RALYL: variants seen among roughly 807,000 people sequenced by gnomAD.
RALYL encodes the protein RALY RNA binding protein like.
In RALYL, 29 loss-of-function variants were observed where a neutral mutation model predicts 35.1. The observed-to-expected ratio is 0.83, with a 90% CI of 0.61 to 1.13. The LOEUF is 1.13. Ranked by LOEUF, RALYL falls within the 50% of genes most tolerant of loss-of-function variation. RALYL has a pLI of 0.00. For synonymous variants in RALYL, 120 were observed against 127.6 expected (o/e 0.94, Z 0.40); for missense variants, 359 against 360.4 (o/e 1.00, Z 0.03).
At chr8:84,265,835 C>A (rs1833189334) in intron 1 of RALYL, among the ~76,000 whole-genome samples, 1 of 152,112 alleles carries the variant, frequency 6.6e-6, no homozygotes, top group African/African-American at 2.4e-5. Context: ...ATACACAAAC[C>A]TATAATTTTT....
intron 2 of RALYL, among the ~76,000 whole-genome samples, chr8:84,580,219 T>C (rs1810499470): frequency 6.6e-6 from 1 of 152,260 alleles, no homozygotes; most frequent in Non-Finnish European, 1.5e-5. Flanking sequence ...GAAATATTAA[T>C]TAATGGCAAA....
At chr8:84,234,672 A>G (rs902215958) in intron 1 of RALYL, among the ~76,000 whole-genome samples, 1 of 152,138 alleles carries the variant, frequency 6.6e-6, no homozygotes, top group Non-Finnish European at 1.5e-5. Context: ...CCCACCTTTT[A>G]AACATTTTGA....
intron 1 of RALYL, among the ~76,000 whole-genome samples, chr8:84,229,750 A>G (rs1824883663): frequency 6.6e-6 from 1 of 152,196 alleles, no homozygotes; most frequent in Non-Finnish European, 1.5e-5. Flanking sequence ...ACCTTGAGGT[A>G]CTTCTTGCCC....
intron 3 of RALYL, among the ~76,000 whole-genome samples, chr8:84,779,449 A>G (rs1817590510): frequency 6.6e-6 from 1 of 152,190 alleles, no homozygotes; most frequent in South Asian, 2.1e-4. Context: ...ACTCAGTAAG[A>G]CATGTAGTAT....
intron 1 of RALYL, among the ~76,000 whole-genome samples, chr8:84,495,511 A>C (rs1038309383): frequency 2.6e-5 from 4 of 152,126 alleles, no homozygotes; most frequent in Admixed American, 1.3e-4. Flanking sequence ...GGATATTTAA[A>C]GAAATACACC....
intron 8 of RALYL, among the ~76,000 whole-genome samples, chr8:84,920,268 C>T (rs1849113751): frequency 6.6e-6 from 1 of 151,976 alleles, no homozygotes; most frequent in African/African-American, 2.4e-5. Flanking sequence ...ACATAATTTT[C>T]CCCACTGATT....
chr8:84,900,849 TG>T (rs1845564542), intron 8 of RALYL, among the ~76,000 whole-genome samples: 1 of 152,162 alleles, frequency 6.6e-6, no homozygotes, highest in Non-Finnish European at 1.5e-5. Context: ...GATTTAAGAC[TG>T]TTTCAACAGA....
chr8:84,392,077 T>C (rs1183732311), intron 1 of RALYL, among the ~76,000 whole-genome samples: 3 of 152,092 alleles, frequency 2.0e-5, no homozygotes, highest in African/African-American at 7.2e-5. Context: ...AAGTGCCAAG[T>C]TGTAGCAAAA....
chr8:84,449,203 A>AT (rs1472663682), intron 1 of RALYL, among the ~76,000 whole-genome samples: 2 of 149,088 alleles, frequency 1.3e-5, no homozygotes, highest in African/African-American at 4.9e-5. Flanking sequence ...CATTTCTTTT[A>AT]TTTTTTTCTT....
At chr8:84,734,829 A>G (rs1236685455) in intron 2 of RALYL, among the ~76,000 whole-genome samples, 2 of 152,104 alleles carry the variant, frequency 1.3e-5, no homozygotes, top group Non-Finnish European at 2.9e-5. Flanking sequence ...AGTTATGATA[A>G]GGTGCACCAA....
intron 2 of RALYL, among the ~76,000 whole-genome samples, chr8:84,613,194 C>G (rs1214043676): frequency 6.6e-6 from 1 of 151,554 alleles, no homozygotes; most frequent in Non-Finnish European, 1.5e-5. Context: ...AGTCTGAGAC[C>G]TGAAAGCCTC....
At chr8:84,295,589 C>T (rs1280605263) in intron 1 of RALYL, among the ~76,000 whole-genome samples, 2 of 152,064 alleles carry the variant, frequency 1.3e-5, no homozygotes, top group African/African-American at 2.4e-5. Flanking sequence ...CATGAGCCAC[C>T]CACCCAGCCT....
At chr8:84,227,642 G>C (rs1267621875) in intron 1 of RALYL, among the ~76,000 whole-genome samples, 1 of 151,616 alleles carries the variant, frequency 6.6e-6, no homozygotes, top group Non-Finnish European at 1.5e-5. Flanking sequence ...AAGTCTTTTT[G>C]TCTTATTAGA....
intron 2 of RALYL, among the ~76,000 whole-genome samples, chr8:84,692,865 G>A (rs906370161): frequency 1.3e-5 from 2 of 151,932 alleles, no homozygotes; most frequent in African/African-American, 4.8e-5. Context: ...GTAAGAAAAG[G>A]GAGACATGGT....
chr8:84,259,512 C>T (rs1204275255), intron 1 of RALYL, among the ~76,000 whole-genome samples: 1 of 152,156 alleles, frequency 6.6e-6, no homozygotes. Context: ...AACAGGGATA[C>T]TCAGCATTAA....
intron 2 of RALYL, among the ~76,000 whole-genome samples, chr8:84,632,472 G>T (rs112970498): frequency 2.0e-5 from 3 of 151,918 alleles, no homozygotes; most frequent in African/African-American, 7.2e-5. Context: ...GTTGCACCAT[G>T]TCCCATTTTA....
intron 8 of RALYL, among the ~76,000 whole-genome samples, chr8:84,894,148 G>C (rs770852921): frequency 6.6e-6 from 1 of 152,038 alleles, no homozygotes; most frequent in Non-Finnish European, 1.5e-5. Context: ...CAGTATTCTT[G>C]GTCTTTCTTT....
intron 2 of RALYL, among the ~76,000 whole-genome samples, chr8:84,771,231 T>C: frequency 6.6e-6 from 1 of 152,236 alleles, no homozygotes; most frequent in East Asian, 1.9e-4. Context: ...TCTCTCTCTC[T>C]GTCTCTGTCA....
At chr8:84,252,617 T>C (rs185581269) in intron 1 of RALYL, among the ~76,000 whole-genome samples, 4 of 152,266 alleles carry the variant, frequency 2.6e-5, no homozygotes, top group African/African-American at 9.6e-5. Context: ...CTAGCGTTCC[T>C]GTAGACATTG....
Sources: allele counts gnomAD v4.1 joint callset (sites outside exome capture counted in the v4.1 genomes callset), GRCh38; gene constraint gnomAD v4.1.1; transcripts MANE v1.5; gene names NCBI Gene and HGNC (gene_info 2026-07-23, HGNC 2026-07-21).